The following ADGRL3 variants were observed in gnomAD, a reference collection of about 807,000 sequenced individuals.
ADGRL3 encodes adhesion G protein-coupled receptor L3.
Under a neutral mutation model 153.5 loss-of-function variants are expected in ADGRL3, and 62 were observed. The ratio of observed to expected loss-of-function variants is 0.40; its 90% CI spans 0.33 to 0.50. The LOEUF (loss-of-function observed/expected upper bound fraction) is 0.50. Among genes scored for constraint, ADGRL3 ranks in the 20% least tolerant of loss-of-function variants. The pLI, the probability that ADGRL3 is intolerant of heterozygous loss-of-function variation, is 0.47. For synonymous variants in ADGRL3, 710 were observed against 672.5 expected, an observed-to-expected ratio of 1.06 and a Z score of -0.86; for missense variants, 1,641 against 1,859.4, an observed-to-expected ratio of 0.88 and a Z score of 2.16.
At chr4:61,900,825 A>G (rs977498476) in intron 11 of ADGRL3, among the ~76,000 whole-genome samples, 6 of 152,184 alleles carry the variant, frequency 3.9e-5, no homozygotes, top group Non-Finnish European at 7.3e-5. Flanking sequence ...CTCCAAATTA[A>G]TGTTCTTAAA....
At chr4:61,232,853 A>G (rs1751324665) in intron 1 of ADGRL3, among the ~76,000 whole-genome samples, 1 of 152,184 alleles carries the variant, frequency 6.6e-6, no homozygotes, top group Admixed American at 6.5e-5. Context: ...GATATTTGCC[A>G]GAATATAGCC....
intron 5 of ADGRL3, among the ~76,000 whole-genome samples, chr4:61,605,398 G>C (rs2099028602): frequency 1.3e-5 from 2 of 152,220 alleles, no homozygotes; most frequent in South Asian, 4.1e-4. Context: ...TTTTGTCAGA[G>C]AGAACTTGAC....
At chr4:61,689,883 G>A (rs891722550) in intron 6 of ADGRL3, among the ~76,000 whole-genome samples, 8 of 152,070 alleles carry the variant, frequency 5.3e-5, no homozygotes, top group African/African-American at 1.9e-4. Context: ...ACTTCATGGT[G>A]TTTCTTATAA....
chr4:61,805,967 A>C (rs1046341345), intron 8 of ADGRL3, among the ~76,000 whole-genome samples: 10 of 152,362 alleles, frequency 6.6e-5, no homozygotes, highest in African/African-American at 2.4e-4. Flanking sequence ...ATATAAATTT[A>C]ACTTTTGAAA....
intron 8 of ADGRL3, among the ~76,000 whole-genome samples, chr4:61,763,983 A>G (rs2096943054): frequency 6.6e-6 from 1 of 152,194 alleles, no homozygotes; most frequent in African/African-American, 2.4e-5. Context: ...TTTTTATTAA[A>G]CCAACCATAT....
rs922964461 is a variant in ADGRL3 at position 61,722,751 on chromosome 4, A to T, written c.584-7871A>T. Among the ~76,000 whole-genome samples, 7 of 152,148 alleles carry T rather than the reference A, an allele frequency of 4.6e-5. 1 individual carries two copies. The highest frequency in any genetic ancestry group is 1.3e-4 in the Admixed American group (2 of 15,264). On this transcript the variant is annotated intron_variant, in intron 6 of 26. Transcript: ENST00000683033. ...TCATCAGTTTTTTTGGTGTTTGATA[A>T]AATTGGAATGCCAATTAATCTAAAA...
intron 9 of ADGRL3, among the ~76,000 whole-genome samples, chr4:61,891,192 T>C (rs2098581773): frequency 7.5e-6 from 1 of 132,770 alleles, no homozygotes; most frequent in Non-Finnish European, 1.6e-5. Flanking sequence ...TGAACGTAGA[T>C]AGTGATGATT....
chr4:61,905,033 A>G (rs1019453197), intron 11 of ADGRL3, among the ~76,000 whole-genome samples: 2 of 152,192 alleles, frequency 1.3e-5, no homozygotes, highest in Non-Finnish European at 2.9e-5. Context: ...TTAACAAAAT[A>G]AAACAATAGT....
At chr4:61,973,222 A>G (rs929470461) in intron 17 of ADGRL3, among the ~76,000 whole-genome samples, 1 of 152,014 alleles carries the variant, frequency 6.6e-6, no homozygotes, top group African/African-American at 2.4e-5. Context: ...TTTAAATCAT[A>G]AGGCAAAAGT....
At chr4:61,243,603 C>A (rs945909925) in intron 1 of ADGRL3, among the ~76,000 whole-genome samples, 7 of 151,930 alleles carry the variant, frequency 4.6e-5, no homozygotes, top group Non-Finnish European at 1.0e-4. Flanking sequence ...AAGATATATT[C>A]TTGTAATACT....
intron 19 of ADGRL3, among the ~76,000 whole-genome samples, chr4:61,993,189 T>TGTGTGC (rs2099109492): frequency 6.6e-6 from 1 of 151,174 alleles, no homozygotes; most frequent in Non-Finnish European, 1.5e-5. Flanking sequence ...TGTGTGTGTG[T>TGTGTGC]GTGTGTGTGT....
chr4:61,594,896 C>G, intron 5 of ADGRL3, among the ~76,000 whole-genome samples: 1 of 152,120 alleles, frequency 6.6e-6, no homozygotes, highest in East Asian at 1.9e-4. Flanking sequence ...ATACAAAGTC[C>G]TTCCCACTCT....
intron 19 of ADGRL3, among the ~76,000 whole-genome samples, chr4:61,987,149 ATTTAT>A (rs1189065780): frequency 3.6e-4 from 12 of 33,308 alleles, no homozygotes; most frequent in Non-Finnish European, 7.1e-4. Context: ...ATTTTATTTT[ATTTAT>A]TTTATTTTAT....
chr4:61,928,889 C>T (rs574631734), intron 13 of ADGRL3, among the ~76,000 whole-genome samples: 1 of 151,962 alleles, frequency 6.6e-6, no homozygotes, highest in African/African-American at 2.4e-5. Context: ...AAGTAACTTA[C>T]CTTTGTGTGA....
intron 9 of ADGRL3, among the ~76,000 whole-genome samples, chr4:61,883,322 T>C (rs2098519512): frequency 6.6e-6 from 1 of 152,192 alleles, no homozygotes; most frequent in African/African-American, 2.4e-5. Context: ...GTTGTTTTCA[T>C]TGCTTACTTC....
chr4:62,051,839 A>G (rs1427361314), intron 25 of ADGRL3, among the ~76,000 whole-genome samples: 1 of 151,758 alleles, frequency 6.6e-6, no homozygotes, highest in African/African-American at 2.4e-5. Flanking sequence ...GCTATAGAAT[A>G]TTTCCACTTA....
At chr4:61,346,445 T>C (rs1439188120) in intron 1 of ADGRL3, among the ~76,000 whole-genome samples, 1 of 151,480 alleles carries the variant, frequency 6.6e-6, no homozygotes, top group Non-Finnish European at 1.5e-5. Flanking sequence ...CTTAACAAAA[T>C]TTGATCATTG....
At chr4:62,015,127 G>T (rs957644398) in intron 21 of ADGRL3, among the ~76,000 whole-genome samples, 2 of 152,108 alleles carry the variant, frequency 1.3e-5, no homozygotes, top group Admixed American at 6.5e-5. Flanking sequence ...ATCTTGAGCC[G>T]CTCAGTCCTC....
chr4:61,627,838 A>C (rs1335548610), intron 5 of ADGRL3, among the ~76,000 whole-genome samples: 3 of 152,118 alleles, frequency 2.0e-5, no homozygotes, highest in African/African-American at 4.8e-5. Context: ...AAACTTTAAA[A>C]AAATATGAAC....
Sources: allele counts gnomAD v4.1 joint callset (sites outside exome capture counted in the v4.1 genomes callset), GRCh38; gene constraint gnomAD v4.1.1; transcripts MANE v1.5; gene names NCBI Gene and HGNC (gene_info 2026-07-23, HGNC 2026-07-21).